The following KIF20B variants were observed in gnomAD, a reference collection of about 807,000 sequenced individuals.
The protein encoded by KIF20B is kinesin family member 20B.
In KIF20B, 188 loss-of-function variants were observed where a neutral mutation model predicts 232.5. That is an observed-to-expected ratio of 0.81 (90% CI 0.72 to 0.91). The LOEUF (loss-of-function observed/expected upper bound fraction) is 0.91. KIF20B is among the 40% of genes least tolerant of loss of function. The pLI is 0.00. For missense variants in KIF20B, 2,154 were observed against 2,055.9 expected, an observed-to-expected ratio of 1.05 and a Z score of -0.92; for synonymous variants, 712 against 683.0, an observed-to-expected ratio of 1.04 and a Z score of -0.66.
At chr10:89,764,213 A>C (rs1212251700) in intron 29 of KIF20B, among the ~76,000 whole-genome samples, 2 of 151,938 alleles carry the variant, frequency 1.3e-5, no homozygotes, top group Non-Finnish European at 2.9e-5. Flanking sequence ...ATGTCCCTAC[A>C]AAGGACATGA....
chr10:89,709,409 G>A lies in KIF20B; in HGVS notation c.299G>A (p.Arg100Gln), dbSNP rs763235804. The A allele has an allele frequency of 1.2e-6, 2 of 1,613,460 alleles. No homozygotes were observed. The highest frequency in any genetic ancestry group is 2.2e-5 in the East Asian group (1 of 44,824). ...AAAGAGCCTCAATGCATCCTTGGTC[G>A]GTTAAGTGAAAAAAGCTCAGGGCAG... is the stretch of plus-strand genomic sequence containing the variant. ...VLKEPQCILG[R>Q]LSEKSSGQMA... Residue 100 changes from arginine (R) to glutamine (Q), a missense_variant, in exon 4 of 33, where the codon CGG becomes CAG. Physicochemically the swap from Arg to Gln is conservative, Grantham distance 43. Coordinates refer to ENST00000371728, the MANE Select transcript of KIF20B (RefSeq NM_001284259.2).
At position 89,766,309 on chromosome 10, in the gene KIF20B, A is replaced by G. The variant is rs773857871; in HGVS notation, c.4990-1981A>G. 5 of 153,062 alleles carry G rather than the reference A, an allele frequency of 3.3e-5. No individual in the cohort carries two copies. The East Asian group carries it at 9.7e-4, about 30-fold the overall frequency. 9.5% of individuals were successfully genotyped at this position (153,062 alleles called of 1,614,324 possible). A position where few individuals can be genotyped will look rare whatever the true frequency, so the allele number is the denominator to read the frequency against. ...AAAGGAATGCAGTTCCTCACCAGCA[A>G]TGGAACAAAGCTGGAAGGAGAATGA... On this transcript the variant is annotated intron_variant, in intron 29 of 32. Coordinates refer to ENST00000371728, the MANE Select transcript of KIF20B (RefSeq NM_001284259.2).
chr10:89,765,237 C>G (rs997483030), intron 29 of KIF20B, among the ~76,000 whole-genome samples: 2 of 152,112 alleles, frequency 1.3e-5, no homozygotes, highest in African/African-American at 4.8e-5. Context: ...CATTCTTATA[C>G]ACCAATAACA....
Position 89,747,667 on chromosome 10 carries a change from G to A in KIF20B, c.4096+1708G>A, listed in dbSNP as rs569600822. On this transcript the variant is annotated intron_variant, in intron 23 of 32. Coordinates refer to ENST00000371728, the MANE Select transcript of KIF20B (RefSeq NM_001284259.2). Reference sequence around the variant, plus strand: ...AACCAAACACCACATGTTCTCACTCGTAGGTGGGAATTGAACAATGAGAGC... The same window carrying A: ...AACCAAACACCACATGTTCTCACTCATAGGTGGGAATTGAACAATGAGAGC... Among the ~76,000 whole-genome samples, 171 of 151,604 alleles carry A rather than the reference G, an allele frequency of 1.1e-3. 2 individuals carry two copies. The highest frequency in any genetic ancestry group is 9.2e-3 in the South Asian group (44 of 4,784).
At chr10:89,707,841 T>G (rs1401672952) in intron 2 of KIF20B, among the ~76,000 whole-genome samples, 7 of 152,232 alleles carry the variant, frequency 4.6e-5, no homozygotes, top group Admixed American at 4.6e-4. Context: ...TTGCATTCAT[T>G]ACACTTTGCT....
chr10:89,727,249 C>CT (rs1258930798), intron 16 of KIF20B, among the ~76,000 whole-genome samples: 1 of 129,250 alleles, frequency 7.7e-6, no homozygotes, highest in South Asian at 2.8e-4. Context: ...CTTTTTCTGT[C>CT]TTCCCCCCCC....
In KIF20B at chr10:89,710,220, T is replaced by A. The variant is rs912228597; in HGVS notation, c.490+155T>A. Among the ~76,000 whole-genome samples, 9 of 151,392 alleles carry A rather than the reference T, an allele frequency of 5.9e-5. 1 individual carries two copies. The East Asian group carries it at 1.7e-3, about 29-fold the overall frequency. ...GCATATTATTACGTATTGCTGTTTT[T>A]TTTTTTTTTTGGCGGGGGAGGGACA... is the stretch of plus-strand genomic sequence containing the variant. On this transcript the variant is annotated intron_variant, in intron 5 of 32. Transcript: ENST00000371728.
intron 23 of KIF20B, among the ~76,000 whole-genome samples, chr10:89,748,951 A>G (rs1841973227): frequency 6.6e-6 from 1 of 151,166 alleles, no homozygotes; most frequent in South Asian, 2.1e-4. Context: ...TTTATTTTTC[A>G]TTATTTTGGT....
chr10:89,703,913 C>T (rs543591230), intron 1 of KIF20B, among the ~76,000 whole-genome samples: 72 of 152,078 alleles, frequency 4.7e-4, no homozygotes, highest in Admixed American at 2.5e-3. Flanking sequence ...CCACCACACC[C>T]GGCTAATTTT....
At chr10:89,751,113 C>G (rs1842012322) in intron 23 of KIF20B, among the ~76,000 whole-genome samples, 1 of 152,038 alleles carries the variant, frequency 6.6e-6, no homozygotes, top group Admixed American at 6.6e-5. Flanking sequence ...TTCATCCACT[C>G]TTGCAATCAT....
chr10:89,712,380 T>C (rs1208902301), intron 6 of KIF20B, among the ~76,000 whole-genome samples: 1 of 152,022 alleles, frequency 6.6e-6, no homozygotes, highest in Non-Finnish European at 1.5e-5. Context: ...CGACCTCCTC[T>C]GAATAGCTGG....
At chr10:89,748,568 A>C (rs1841963839) in intron 23 of KIF20B, among the ~76,000 whole-genome samples, 1 of 152,208 alleles carries the variant, frequency 6.6e-6, no homozygotes. Context: ...TTGGATGGGT[A>C]ACTTGGATGT....
intron 29 of KIF20B, among the ~76,000 whole-genome samples, chr10:89,767,901 A>G (rs1255774985): frequency 1.3e-5 from 2 of 152,006 alleles, no homozygotes; most frequent in African/African-American, 4.8e-5. Context: ...TATTCCTTCC[A>G]TGTTTTTCAT....
At position 89,713,882 on chromosome 10, in the gene KIF20B, C is replaced by T. The variant is rs1308704447; in HGVS notation, c.676-165C>T. ...TTTTTCATAGTTCTCTGTATTTTTC[C>T]ATGAAACTATATTATTTAACTAGGA... On this transcript the variant is annotated intron_variant, in intron 6 of 32. Transcript: ENST00000371728. Among the ~76,000 whole-genome samples the T allele has an allele frequency of 2.0e-5, 3 of 151,248 alleles. No homozygotes were observed. In the East Asian group the frequency reaches 6.3e-4, roughly 32 times the overall value.
At chr10:89,764,585 A>C (rs1234649834) in intron 29 of KIF20B, among the ~76,000 whole-genome samples, 1 of 152,116 alleles carries the variant, frequency 6.6e-6, no homozygotes, top group Non-Finnish European at 1.5e-5. Flanking sequence ...AATGATGGCC[A>C]TTCTAACTGG....
chr10:89,733,158 A>G lies in KIF20B; in HGVS notation c.2545+102A>G, dbSNP rs757047304. 4.1e-6 allele frequency: 5 copies of G among 1,210,210 alleles called. No homozygotes were observed. The East Asian group carries it at 7.3e-5, about 18-fold the overall frequency. The allele number at this position is 1,210,210 out of a possible 1,614,324, so 75.0% of individuals were successfully genotyped here. A position where few individuals can be genotyped will look rare whatever the true frequency, so the allele number is the denominator to read the frequency against. ...GGGGCATTCACTTGTCTAAGGAAAA[A>G]TCTTGAGAAAATCTAAACGTCTTGA... On this transcript the variant is annotated intron_variant, in intron 19 of 32. Coordinates refer to ENST00000371728, the MANE Select transcript of KIF20B (RefSeq NM_001284259.2).
intron 27 of KIF20B, among the ~76,000 whole-genome samples, chr10:89,759,995 G>A (rs1842204559): frequency 6.6e-6 from 1 of 152,056 alleles, no homozygotes; most frequent in Admixed American, 6.6e-5. Context: ...AAAATAGGAG[G>A]AAGAATGTGC....
intron 15 of KIF20B, 84 bp from the exon 16 acceptor site, chr10:89,726,209 A>G (rs1423190482): frequency 1.5e-6 from 2 of 1,328,870 alleles, no homozygotes; most frequent in Non-Finnish European, 1.9e-6. Flanking sequence ...TTGCTTTTTT[A>G]AAAACTGTCT....
chr10:89,757,858 G>A (rs1462298758), intron 26 of KIF20B, among the ~76,000 whole-genome samples: 1 of 149,346 alleles, frequency 6.7e-6, no homozygotes, highest in African/African-American at 2.5e-5. Context: ...TGGTTATTCT[G>A]TTGTTCCAGC....
Sources: gnomAD v4.1 joint callset for allele counts (sites outside exome capture counted in the v4.1 genomes callset) on GRCh38, gnomAD v4.1.1 for gene constraint, MANE v1.5 for transcripts, NCBI Gene and HGNC (gene_info 2026-07-23, HGNC 2026-07-21) for gene names.